The following RHOT2 variants were observed in gnomAD, a reference collection of about 807,000 sequenced individuals.
The protein encoded by RHOT2 is ras homolog family member T2, also known as mitochondrial Rho GTPase 2.
RHOT2 carries 90 observed loss-of-function variants against 81.6 expected under a neutral mutation model. The ratio of observed to expected loss-of-function variants is 1.10; its 90% confidence interval spans 0.93 to 1.31. RHOT2 has a LOEUF of 1.31. RHOT2 is among the 40% of genes most tolerant of loss of function. RHOT2 has a pLI of 0.00. For missense variants in RHOT2, 1,014 were observed against 841.9 expected, an observed-to-expected ratio of 1.20 and a Z score of -2.53; for synonymous variants, 512 against 370.9, an observed-to-expected ratio of 1.38 and a Z score of -4.37.
chr16:671,810 G>GGCCCCTC, intron 12 of RHOT2, 29 bp downstream of exon 12: 2 of 1,586,240 alleles, frequency 1.3e-6, no homozygotes, highest in East Asian at 2.3e-5. Context: ...CCCTGCCCCT[G>GGCCCCTC]CCCCCGCCCC....
rs944240383 is a variant in RHOT2 at position 672,544 on chromosome 16, A to G, written c.1382A>G (p.Asn461Ser). The G allele has an allele frequency of 4.3e-6, 7 of 1,612,356 alleles. No homozygotes were observed. The highest frequency in any genetic ancestry group is 4.2e-6 in the Non-Finnish European group (5 of 1,179,862). Residue 461 changes from asparagine (N) to serine (S), a missense_variant, in exon 16 of 19, where the codon AAT (asparagine) becomes AGT (serine). Physicochemically the swap from Asn to Ser is conservative, Grantham distance 46. Transcript: ENST00000315082. ...PGYAIDTVQV[N>S]GQEKYLILCE... is the part of the protein sequence containing the mutation. ...TACGCCATCGACACGGTGCAGGTCA[A>G]TGGACAGGAGAAGTACTTGATCGTG...
In RHOT2 at chr16:670,985, C is replaced by T. The variant is rs143577577; in HGVS notation, c.733C>T (p.Arg245Trp). ...CGTGGCGGGCGGCGTGCGGGAGGAC[C>T]GGCTGACCCTGGATGGTGAGGCCGG... ...RNVAGGVRED[R>W]LTLDGFLFLN... Residue 245 changes from arginine to tryptophan, a missense_variant, in exon 10 of 19, where the codon CGG becomes TGG. By Grantham distance (101) the Arg-to-Trp change is moderately radical. Coordinates refer to ENST00000315082, the MANE Select transcript of RHOT2 (RefSeq NM_138769.3). 5.1e-6 allele frequency: 8 copies of T among 1,577,762 alleles called. No homozygotes were observed. The highest frequency in any genetic ancestry group is 2.7e-5 in the African/African-American group (2 of 74,286).
chr16:668,976 G>A (rs1181786419), intron 4 of RHOT2: 7 of 520,016 alleles, frequency 1.3e-5, no homozygotes, highest in Non-Finnish European at 2.4e-5. Flanking sequence ...TGTGGGCTCT[G>A]TGTGCGCCAC....
In RHOT2 at chr16:670,120, C is replaced by T. The variant is rs1296163517; in HGVS notation, c.277-3C>T. The stretch of plus-strand genomic sequence containing the variant: ...CACTTCACAGCCAGGCTTTGCTTTT[C>T]AGATTCGAACTAAGTGGATCCCACT... On this transcript the variant is annotated splice_polypyrimidine_tract_variant and splice_region_variant and intron_variant, in intron 5 of 18. Transcript: ENST00000315082. 1.3e-6 allele frequency: 2 copies of T among 1,559,724 alleles called. No homozygotes were observed. Among genetic ancestry groups the T allele is most frequent in the Non-Finnish European group, 1.7e-6 (2 of 1,154,378 alleles).
Position 672,954 on chromosome 16 carries a change from CT to C in RHOT2, c.1555del (p.Cys519AlafsTer97). ...KHHYMDGQTP[C>X]LFVSSKADLP... ...ACCATTACATGGACGGGCAGACCCC[CT>C]GCCTCTTTGTCTCCTCCAAGGCCGA... On this transcript the variant is annotated frameshift_variant, in exon 18 of 19. Coordinates refer to ENST00000315082, the MANE Select transcript of RHOT2 (RefSeq NM_138769.3). LOFTEE classifies it high-confidence loss of function. 1 of 1,612,834 alleles carries C rather than the reference CT, an allele frequency of 6.2e-7. No individual in the cohort carries two copies. Among genetic ancestry groups the C allele is most frequent in the Non-Finnish European group, 8.5e-7 (1 of 1,179,988 alleles).
In RHOT2 at chr16:672,951, C is replaced by T. The variant is rs941744342; in HGVS notation, c.1551C>T (p.Thr517=). Residue 517 remains threonine (T), a synonymous_variant, in exon 18 of 19, where the codon ACC becomes ACT. Coordinates refer to ENST00000315082, the MANE Select transcript of RHOT2 (RefSeq NM_138769.3). The part of the protein sequence containing the change: ...VYKHHYMDGQ[T]PCLFVSSKAD... ...AGCACCATTACATGGACGGGCAGAC[C>T]CCCTGCCTCTTTGTCTCCTCCAAGG... is the stretch of plus-strand genomic sequence containing the variant. 9 of 1,612,690 alleles carry T rather than the reference C, an allele frequency of 5.6e-6. No individual in the cohort carries two copies. The Admixed American group carries it at 1.5e-4, about 27-fold the overall frequency.
Position 672,910 on chromosome 16 carries a change from A to G in RHOT2, c.1528-18A>G. The G allele has an allele frequency of 1.2e-6, 2 of 1,612,578 alleles. No homozygotes were observed. The highest frequency in any genetic ancestry group is 1.7e-6 in the Non-Finnish European group (2 of 1,179,918). On this transcript the variant is annotated intron_variant, in intron 17 of 18. Coordinates refer to ENST00000315082, the MANE Select transcript of RHOT2 (RefSeq NM_138769.3). ...CGGCCACCCCAGGACTGTACCTCAT[A>G]CCACTCTCTGCCCACAGCACCATTA...
chr16:668,982 G>T (rs930570297), intron 4 of RHOT2: 40 of 513,510 alleles, frequency 7.8e-5, no homozygotes, highest in African/African-American at 7.4e-4. Context: ...CTCTGTGTGC[G>T]CCACGTCCCC....
intron 5 of RHOT2, 131 bp from the exon 6 acceptor site, chr16:669,992 T>C (rs2038642871): frequency 2.5e-5 from 20 of 801,996 alleles, no homozygotes; most frequent in Non-Finnish European, 3.7e-5. Flanking sequence ...GCTTTGTTCC[T>C]GTGGCCGGGA....
In RHOT2 at chr16:672,340, G is replaced by T; in HGVS notation, c.1282G>T (p.Gly428Cys). 3.7e-6 allele frequency: 6 copies of T among 1,611,996 alleles called. No individual in the cohort carries two copies. Among genetic ancestry groups the T allele is most frequent in the Non-Finnish European group, 5.1e-6 (6 of 1,179,506 alleles). ...CAAGGTGGTAGGGGCCCGTGGAGTG[G>T]GCAAGTCTGCCTTCCTGCAGGCCTT... Reference protein sequence around the residue: ...LCKVVGARGVGKSAFLQAFLG... With the variant: ...LCKVVGARGVCKSAFLQAFLG... The change falls in exon 15 of 19, where the codon GGC becomes TGC. Residue 428 changes from glycine (G) to cysteine (C), a missense_variant. Gly to Cys is a radical substitution (Grantham distance 159, BLOSUM62 -3). Transcript: ENST00000315082.
chr16:670,794 C>T (rs202031610), intron 9 of RHOT2, 21 bp downstream of exon 9: 334 of 1,610,204 alleles, frequency 2.1e-4, no homozygotes, highest in East Asian at 1.4e-3. Flanking sequence ...GCCCCACCCT[C>T]GGTGCCCAGC....
At chr16:669,039 C>G (rs974419551) in intron 4 of RHOT2, 18 of 431,748 alleles carry the variant, frequency 4.2e-5, no homozygotes, top group African/African-American at 8.3e-5. Context: ...GCACCCGGAG[C>G]TCCCAGTACC....
rs57412393 is a variant in RHOT2 at position 671,798 on chromosome 16, T to TCCCCTGCCCCTG, written c.954+22_954+33dup. On this transcript the variant is annotated intron_variant, in intron 12 of 18. Coordinates refer to ENST00000315082, the MANE Select transcript of RHOT2 (RefSeq NM_138769.3). ...CACGACCAGGTGAGAGCATGGCGAG[T>TCCCCTGCCCCTG]CCCCTGCCCCTGCCCCCGCCCCCTC... 176 of 1,562,936 alleles carry TCCCCTGCCCCTG rather than the reference T, an allele frequency of 1.1e-4. 1 individual carries two copies. In the African/African-American group the frequency reaches 2.1e-3, roughly 18 times the overall value.
intron 16 of RHOT2, 54 bp downstream of exon 16, chr16:672,620 GGCCT>G (rs2039162152): frequency 6.8e-6 from 11 of 1,609,730 alleles, no homozygotes; most frequent in Non-Finnish European, 9.3e-6. Context: ...GGGACACCCA[GGCCT>G]GCCTGGCAGA....
In RHOT2 at chr16:672,100, G is replaced by A; in HGVS notation, c.1114G>A (p.Asp372Asn). Residue 372 changes from aspartate to asparagine, a missense_variant, in exon 14 of 19, where the codon GAC becomes AAC. Asp to Asn is a conservative substitution (Grantham distance 23). Transcript: ENST00000315082. The stretch of plus-strand genomic sequence containing the variant: ...CACCCCCAGCCTGGTGACCTACCTG[G>A]ACGTCCGGAGCTGCCTTGGACACCT... ...LCQWTLVTYL[D>N]VRSCLGHLGY... The A allele has an allele frequency of 6.2e-7, 1 of 1,612,570 alleles. No individual in the cohort carries two copies. The highest frequency in any genetic ancestry group is 8.5e-7 in the Non-Finnish European group (1 of 1,179,904).
intron 9 of RHOT2, 30 bp downstream of exon 9, chr16:670,803 GC>G: frequency 6.2e-7 from 1 of 1,608,972 alleles, no homozygotes. Flanking sequence ...TCGGTGCCCA[GC>G]CCCCTTGAAC....
rs1331388614 is a variant in RHOT2 at position 674,033 on chromosome 16, T to A, written c.*427T>A. The A allele has an allele frequency of 6.7e-6, 2 of 300,632 alleles. No homozygotes were observed. The highest frequency in any genetic ancestry group is 4.5e-5 in the Admixed American group (1 of 22,234). 18.6% of individuals were successfully genotyped at this position (300,632 alleles called of 1,614,324 possible). A position where few individuals can be genotyped will look rare whatever the true frequency, so the allele number is the denominator to read the frequency against. On this transcript the variant is annotated 3_prime_UTR_variant, in exon 19 of 19. Coordinates refer to ENST00000315082, the MANE Select transcript of RHOT2 (RefSeq NM_138769.3). ...AGAGCTTTGGGCCAAAAGCAGGCGT[T>A]GGGGGGTCCCCCCTCAAGTTTGGAG...
At chr16:668,593 G>A (rs1298311799) in intron 3 of RHOT2, 24 bp downstream of exon 3, 2 of 1,609,936 alleles carry the variant, frequency 1.2e-6, no homozygotes, top group East Asian at 4.5e-5. Context: ...CCTCCCGGGG[G>A]CCCGGCCCGC....
In RHOT2 at chr16:672,727, C is replaced by T. The variant is rs2039179104; in HGVS notation, c.1429C>T (p.Leu477=). The T allele has an allele frequency of 6.2e-7, 1 of 1,612,354 alleles. No homozygotes were observed. The highest frequency in any genetic ancestry group is 1.3e-5 in the African/African-American group (1 of 74,934). ...GCTCTGTGAGGTGGGCACAGATGGT[C>T]TGCTGGCCACATCGCTGGACGCCAC... ...LILCEVGTDG[L]LATSLDATCD... Residue 477 remains leucine (L), a synonymous_variant, in exon 17 of 19, where the codon CTG becomes TTG. Coordinates refer to ENST00000315082, the MANE Select transcript of RHOT2 (RefSeq NM_138769.3).
Sources: gnomAD v4.1 joint callset for allele counts on GRCh38, gnomAD v4.1.1 for gene constraint, MANE v1.5 for transcripts, NCBI Gene and HGNC (gene_info 2026-07-23, HGNC 2026-07-21) for gene names.